The following HRNR variants were observed in gnomAD, a reference collection of about 807,000 sequenced individuals.
HRNR encodes the protein hornerin, also known as filaggrin family member 3.
Under a neutral mutation model 4.8 loss-of-function variants are expected in HRNR, and 7 were observed. That is an observed-to-expected ratio of 1.47 (90% CI 0.83 to 2.75). The LOEUF (loss-of-function observed/expected upper bound fraction) is 2.75, where lower values mean the gene tolerates loss of function less well. Ranked by LOEUF, HRNR falls within the 30% of genes most tolerant of loss-of-function variation. The probability of loss-of-function intolerance (pLI) is 0.00; values close to 1 mark genes in which losing one functional copy is unlikely to be tolerated. For missense variants in HRNR, 2,879 were observed against 3,010.4 expected (o/e 0.96, Z 1.02); for synonymous variants, 1,023 against 1,242.7 (o/e 0.82, Z 3.72).
In HRNR at chr1:152,213,370, G is replaced by A. The variant is rs41266124; in HGVS notation, c.8259C>T (p.Ser2753=). ...SSSYGHRGSG[S]SQSSGYGRHG... The stretch of plus-strand genomic sequence containing the variant: ...GTCGGCCATAGCCAGAAGACTGACT[G>A]GAGCCAGAGCCACGGTGGCCATAGC... Residue 2753 remains serine (S), a synonymous_variant, in exon 3 of 3, where the codon TCC becomes TCT. Transcript: ENST00000368801. The A allele has an allele frequency of 1.7e-6, 1 of 581,982 alleles. No individual in the cohort carries two copies. The highest frequency in any genetic ancestry group is 2.7e-5 in the East Asian group (1 of 37,328). The allele number at this position is 581,982 out of a possible 1,614,324, so 36.1% of individuals were successfully genotyped here. A position where few individuals can be genotyped will look rare whatever the true frequency, so the allele number is the denominator to read the frequency against.
Position 152,218,592 on chromosome 1 carries a change from G to T in HRNR, c.3037C>A (p.Arg1013=), listed in dbSNP as rs140036436. 1.4e-5 allele frequency: 23 copies of T among 1,613,418 alleles called. No homozygotes were observed. The Admixed American group carries it at 1.5e-4, about 11-fold the overall frequency. The change falls in exon 3 of 3, where the codon CGA becomes AGA. Residue 1013 remains arginine, a synonymous_variant. Transcript: ENST00000368801. ...GACTGCCCGGAACCAGACCCATGTC[G>T]GCCACGGCTAGGGCTAGGAGACTGG... The part of the protein sequence containing the change: ...SGQSPSPSRG[R]HGSGSGQSSS...
At position 152,218,476 on chromosome 1, in the gene HRNR, A is replaced by T; in HGVS notation, c.3153T>A (p.Gly1051=). 5 of 1,613,454 alleles carry T rather than the reference A, an allele frequency of 3.1e-6. No individual in the cohort carries two copies. The highest frequency in any genetic ancestry group is 4.2e-6 in the Non-Finnish European group (5 of 1,179,908). The change falls in exon 3 of 3, where the codon GGT becomes GGA. Residue 1051 remains glycine (G), a synonymous_variant. Coordinates refer to ENST00000368801, the MANE Select transcript of HRNR (RefSeq NM_001009931.3). Reference sequence around the variant, plus strand: ...ACTGTCCTGAGCGAGACTCTCGGTGACCTAAGCCAGAAGAGTGACCGGAGC... The same window carrying T: ...ACTGTCCTGAGCGAGACTCTCGGTGTCCTAAGCCAGAAGAGTGACCGGAGC... ...ESGSGHSSGL[G]HRESRSGQSS...
At chr1:152,222,993 AACCCTGTTCTCTCTC>A (rs1649049664) in intron 2 of HRNR, 108 bp downstream of exon 2, 4 of 999,024 alleles carry the variant, frequency 4.0e-6, no homozygotes, top group Admixed American at 2.3e-5. Context: ...ACTTTTACCA[AACCCTGTTCTCTCTC>A]ACCAAGTAAG....
Position 152,219,121 on chromosome 1 carries a change from A to G in HRNR, c.2508T>C (p.Gly836=). 1.2e-6 allele frequency: 2 copies of G among 1,613,248 alleles called. No homozygotes were observed. The highest frequency in any genetic ancestry group is 4.5e-5 in the East Asian group (2 of 44,768). The change falls in exon 3 of 3, where the codon GGT becomes GGC. Residue 836 remains glycine, a synonymous_variant. Coordinates refer to ENST00000368801, the MANE Select transcript of HRNR (RefSeq NM_001009931.3). The part of the protein sequence containing the change: ...QGYSQHGSAS[G]HFSSQGRHGS... ...CATGTCGTCCCTGGCTAGAGAAGTGACCTGAGGCAGAACCATGCTGACTAT... is the reference window on the plus strand; with the variant it reads ...CATGTCGTCCCTGGCTAGAGAAGTGGCCTGAGGCAGAACCATGCTGACTAT...
At position 152,218,991 on chromosome 1, in the gene HRNR, G is replaced by T. The variant is rs551059466; in HGVS notation, c.2638C>A (p.Arg880Ser). 14 of 1,613,700 alleles carry T rather than the reference G, an allele frequency of 8.7e-6. No individual in the cohort carries two copies. Among genetic ancestry groups the T allele is most frequent in the Admixed American group, 3.3e-5 (2 of 59,968 alleles). The change falls in exon 3 of 3, where the codon CGC becomes AGC. Residue 880 changes from arginine (R) to serine (S), a missense_variant. Physicochemically the swap from Arg to Ser is moderately radical, Grantham distance 110 (BLOSUM62 -1). This residue lies in a region of HRNR where 2,646 missense variants were observed against 1,377.7 expected (regional missense o/e 1.92). Transcript: ENST00000368801. ...HESASHHASG[R>S]GRHGSGSGQS... ...CCAGATCCAGAGCCATGTCGGCCGC[G>T]GCCCGAAGCGTGATGGGAGGCAGAC...
chr1:152,223,905 T>A (rs367900563), intron 1 of HRNR, among the ~76,000 whole-genome samples: 1 of 152,334 alleles, frequency 6.6e-6, no homozygotes, highest in East Asian at 1.9e-4. Context: ...CTGTGGATAA[T>A]TAGAACCCCA....
chr1:152,220,560 G>A lies in HRNR; in HGVS notation c.1069C>T (p.Gln357Ter), dbSNP rs146471221. 2 of 1,611,776 alleles carry A rather than the reference G, an allele frequency of 1.2e-6. No homozygotes were observed. The highest frequency in any genetic ancestry group is 1.7e-6 in the Non-Finnish European group (2 of 1,178,394). Residue 357 changes from glutamine to a stop codon, truncating the protein, a stop_gained, in exon 3 of 3, where the codon CAG becomes TAG. Coordinates refer to ENST00000368801, the MANE Select transcript of HRNR (RefSeq NM_001009931.3). LOFTEE classifies it low-confidence loss of function (END_TRUNC). ...GFGQHESGSG[Q>*]SSGYSKHGSG... is the part of the protein sequence containing the mutation. ...CCATGCTTACTATAGCCAGAGGACT[G>A]TCCTGAGCCAGACTCATGTTGCCCA...
At position 152,212,761 on chromosome 1, in the gene HRNR, C is replaced by G; in HGVS notation, c.*315G>C. 1 of 392,368 alleles carries G rather than the reference C, an allele frequency of 2.5e-6. No homozygotes were observed. The highest frequency in any genetic ancestry group is 4.5e-6 in the Non-Finnish European group (1 of 220,384). The allele number at this position is 392,368 out of a possible 1,614,324, so 24.3% of individuals were successfully genotyped here. A position where few individuals can be genotyped will look rare whatever the true frequency, so the allele number is the denominator to read the frequency against. ...CATCTATAAATGAATGATGAGCTCT[C>G]AAAAAGACAACTCCAACTAAACCCA... On this transcript the variant is annotated 3_prime_UTR_variant, in exon 3 of 3. Coordinates refer to ENST00000368801, the MANE Select transcript of HRNR (RefSeq NM_001009931.3).
Position 152,220,755 on chromosome 1 carries a change from G to C in HRNR, c.874C>G (p.Gln292Glu). The change falls in exon 3 of 3, where the codon CAG (glutamine) becomes GAG (glutamate). Residue 292 changes from glutamine to glutamate, a missense_variant. Around this residue, in one of 8 missense-constraint regions of HRNR, gnomAD observed 2,646 missense variants for 1,377.7 expected, o/e 1.92. Coordinates refer to ENST00000368801, the MANE Select transcript of HRNR (RefSeq NM_001009931.3). ...CCTTGTCGGCCGTGGCCCAAAGACT[G>C]ACGGGAACCAGACCCATGCTGACCA... ...SYGQHGSGSR[Q>E]SLGHGRQGSG... 1 of 1,614,138 alleles carries C rather than the reference G, an allele frequency of 6.2e-7. No individual in the cohort carries two copies.
rs191905873 is a variant in HRNR at position 152,219,766 on chromosome 1, C to A, written c.1863G>T (p.Ser621=). Residue 621 remains serine, a synonymous_variant, in exon 3 of 3, where the codon TCG becomes TCT. Coordinates refer to ENST00000368801, the MANE Select transcript of HRNR (RefSeq NM_001009931.3). ...AGGTAGCTCCATGTTGGCCACAGCT[C>A]GATGACTGTCCTGATGTAGAACCAT... ...GQHGSTSGQS[S]SCGQHGATSG... is the part of the protein sequence containing the mutation. 6.2e-7 allele frequency: 1 copy of A among 1,612,918 alleles called. No homozygotes were observed.
rs1384932238 is a variant in HRNR at position 152,219,796 on chromosome 1, C to T, written c.1833G>A (p.Gly611=). The change falls in exon 3 of 3, where the codon GGG becomes GGA. Residue 611 remains glycine (G), a synonymous_variant. Transcript: ENST00000368801. ...GSSSGHSSTH[G]QHGSTSGQSS... ...ACTGTCCTGATGTAGAACCATGTTG[C>T]CCATGGGTAGAGGAATGACCCGAGC... is the stretch of plus-strand genomic sequence containing the variant. The T allele has an allele frequency of 6.2e-7, 1 of 1,611,748 alleles. No individual in the cohort carries two copies. The highest frequency in any genetic ancestry group is 1.7e-5 in the Admixed American group (1 of 59,890).
rs41266112 is a variant in HRNR at position 152,213,286 on chromosome 1, C to G, written c.8343G>C (p.Gln2781His). 0.73 allele frequency: 828,709 copies of G among 1,140,490 alleles called. 335,039 individuals carry two copies. Among genetic ancestry groups the G allele is most frequent in the Non-Finnish European group, 0.81 (682,883 of 847,114 alleles). 70.6% of individuals were successfully genotyped at this position (1,140,490 alleles called of 1,614,324 possible). Residue 2781 changes from glutamine to histidine, a missense_variant, in exon 3 of 3, where the codon CAG (glutamine) becomes CAC (histidine). Physicochemically the swap from Gln to His is conservative, Grantham distance 24 (BLOSUM62 0). Around this residue, in one of 8 missense-constraint regions of HRNR, gnomAD observed 158 missense variants for 107.6 expected, o/e 1.47. Transcript: ENST00000368801. Reference protein sequence around the residue: ...SHGRHGSGSGQSSSYGQHGSG... With the variant: ...SHGRHGSGSGHSSSYGQHGSG... The stretch of plus-strand genomic sequence containing the variant: ...ACCCATGTTGGCCGTAGCTGGAAGA[C>G]TGCCCTGAACCAGACCCGTGTCGGC...
At chr1:152,222,932 G>A (rs757657189) in intron 2 of HRNR, among the ~76,000 whole-genome samples, 184 bp downstream of exon 2, 87 of 152,108 alleles carry the variant, frequency 5.7e-4, no homozygotes, top group African/African-American at 1.5e-3. Flanking sequence ...GGTCACTTCC[G>A]TTAGTTATGC....
rs1191808120 is a variant in HRNR, at chr1:152,219,930, T to A, written c.1699A>T (p.Arg567Trp). 1 of 1,606,054 alleles carries A rather than the reference T, an allele frequency of 6.2e-7. No homozygotes were observed. The highest frequency in any genetic ancestry group is 8.5e-7 in the Non-Finnish European group (1 of 1,177,542). Residue 567 changes from arginine (R) to tryptophan (W), a missense_variant, in exon 3 of 3, where the codon AGG (arginine) becomes TGG (tryptophan). Around this residue, in one of 8 missense-constraint regions of HRNR, gnomAD observed 2,646 missense variants for 1,377.7 expected, o/e 1.92. Coordinates refer to ENST00000368801, the MANE Select transcript of HRNR (RefSeq NM_001009931.3). ...SYGPHGYGSGRSSSRGPYESG... is the reference protein window; with the variant it reads ...SYGPHGYGSGWSSSRGPYESG... ...TCATATGGGCCACGGCTTGAAGACCTCCCTGAGCCATACCCATGTGGGCCA... is the reference window on the plus strand; with the variant it reads ...TCATATGGGCCACGGCTTGAAGACCACCCTGAGCCATACCCATGTGGGCCA...
chr1:152,213,045 T>C lies in HRNR; in HGVS notation c.*31A>G, dbSNP rs1475333402. On this transcript the variant is annotated 3_prime_UTR_variant, in exon 3 of 3. Transcript: ENST00000368801. ...ATGACTTTCCTATTTCTTAAATTGC[T>C]ACTTGAGTAAATTGCATTTATGTTT... The C allele has an allele frequency of 6.3e-7, 1 of 1,584,236 alleles. No homozygotes were observed. Among genetic ancestry groups the C allele is most frequent in the African/African-American group, 1.4e-5 (1 of 73,798 alleles).
chr1:152,221,534 C>T, intron 2 of HRNR, 44 bp from the exon 3 acceptor site: 1 of 1,396,534 alleles, frequency 7.2e-7, no homozygotes, highest in Non-Finnish European at 9.8e-7. Flanking sequence ...TTAGTATGGA[C>T]AATACATCTG....
chr1:152,223,145 G>T lies in HRNR; in HGVS notation c.109C>A (p.Leu37Met), dbSNP rs1355964707. ...TLNKAELKELLENEFHQILKN... is the reference protein window; with the variant it reads ...TLNKAELKELMENEFHQILKN... ...AGAATTTGATGAAACTCATTTTCCAGAAGTTCTTTCAGCTCTGCCTTGTTC... is the reference window on the plus strand; with the variant it reads ...AGAATTTGATGAAACTCATTTTCCATAAGTTCTTTCAGCTCTGCCTTGTTC... The change falls in exon 2 of 3, where the codon CTG becomes ATG. Residue 37 changes from leucine to methionine, a missense_variant. Leu to Met is a conservative substitution (Grantham distance 15, BLOSUM62 2). Coordinates refer to ENST00000368801, the MANE Select transcript of HRNR (RefSeq NM_001009931.3). 1 of 1,613,744 alleles carries T rather than the reference G, an allele frequency of 6.2e-7. No homozygotes were observed. The highest frequency in any genetic ancestry group is 1.1e-5 in the South Asian group (1 of 90,954).
chr1:152,219,166 C>G lies in HRNR; in HGVS notation c.2463G>C (p.Glu821Asp), dbSNP rs1167093468. Residue 821 changes from glutamate (E) to aspartate (D), a missense_variant, in exon 3 of 3, where the codon GAG becomes GAC. By Grantham distance (45) the Glu-to-Asp change is conservative. Coordinates refer to ENST00000368801, the MANE Select transcript of HRNR (RefSeq NM_001009931.3). ...SGQASGFGQH[E>D]SGSGQGYSQH... is the part of the protein sequence containing the mutation. ...GACTATAGCCCTGTCCTGAGCCAGA[C>G]TCGTGTTGCCCAAAACCAGAAGCCT... The G allele has an allele frequency of 6.2e-6, 10 of 1,612,960 alleles. No homozygotes were observed. The highest frequency in any genetic ancestry group is 2.2e-5 in the South Asian group (2 of 91,040).
At position 152,221,189 on chromosome 1, in the gene HRNR, C is replaced by T; in HGVS notation, c.440G>A (p.Ser147Asn). The change falls in exon 3 of 3, where the codon AGT (serine) becomes AAT (asparagine). Residue 147 changes from serine (S) to asparagine (N), a missense_variant. Ser to Asn is a conservative substitution (Grantham distance 46). Transcript: ENST00000368801. ...TATGGATTCAGTCCCAGGTTTAAGACTTCCTCTGACGTTTCTGGAATAGGA... is the reference window on the plus strand; with the variant it reads ...TATGGATTCAGTCCCAGGTTTAAGATTTCCTCTGACGTTTCTGGAATAGGA... ...NDSYSRNVRG[S>N]LKPGTESISR... 1 of 1,614,188 alleles carries T rather than the reference C, an allele frequency of 6.2e-7. No homozygotes were observed. The highest frequency in any genetic ancestry group is 8.5e-7 in the Non-Finnish European group (1 of 1,180,018).
Sources: gnomAD v4.1 joint callset for allele counts (sites outside exome capture counted in the v4.1 genomes callset) on GRCh38, gnomAD v4.1.1 for gene constraint, gnomAD v4.1.1 regional missense constraint, MANE v1.5 for transcripts, NCBI Gene and HGNC (gene_info 2026-07-23, HGNC 2026-07-21) for gene names.